Variants in GALNT16 observed in about 807,000 individuals in gnomAD.
The protein encoded by GALNT16 is polypeptide N-acetylgalactosaminyltransferase 16, also known as UDP-GalNAc:polypeptide N-acetylgalactosaminyltransferase-like protein 1.
Under a neutral mutation model 76.1 loss-of-function variants are expected in GALNT16, and 40 were observed. The ratio of observed to expected loss-of-function variants is 0.53; its 90% CI spans 0.41 to 0.68. The LOEUF (loss-of-function observed/expected upper bound fraction) is 0.68. GALNT16 is among the 30% of genes least tolerant of loss of function. The probability of loss-of-function intolerance (pLI) is 0.00; values close to 1 mark genes in which losing one functional copy is unlikely to be tolerated. For missense variants in GALNT16, 621 were observed against 731.9 expected, an observed-to-expected ratio of 0.85 and a Z score of 1.75; for synonymous variants, 276 against 285.2, an observed-to-expected ratio of 0.97 and a Z score of 0.32.
intron 1 of GALNT16, among the ~76,000 whole-genome samples, chr14:69,312,054 AATCTG>A (rs35779671): frequency 0.18 from 22,454 of 125,650 alleles, 2,501 homozygotes; most frequent in East Asian, 0.48. Context: ...AAAAAAAAAA[AATCTG>A]TCTATCTATC....
chr14:69,319,418 G>C (rs958133380), intron 1 of GALNT16, among the ~76,000 whole-genome samples: 1 of 152,240 alleles, frequency 6.6e-6, no homozygotes, highest in African/African-American at 2.4e-5. Context: ...CTAGGCCTGT[G>C]ATAGCATCCT....
At chr14:69,317,954 G>C (rs956658377) in intron 1 of GALNT16, among the ~76,000 whole-genome samples, 3 of 152,214 alleles carry the variant, frequency 2.0e-5, no homozygotes, top group African/African-American at 7.2e-5. Context: ...AGGCCAGAGA[G>C]AGCTGAGGAG....
intron 1 of GALNT16, among the ~76,000 whole-genome samples, chr14:69,317,219 C>T (rs144597520): frequency 2.6e-5 from 4 of 152,330 alleles, no homozygotes; most frequent in African/African-American, 4.8e-5. Flanking sequence ...TTTACTCCCT[C>T]GCCAATACAC....
At chr14:69,337,432 T>C (rs1175312541) in intron 9 of GALNT16, among the ~76,000 whole-genome samples, 1 of 152,244 alleles carries the variant, frequency 6.6e-6, no homozygotes, top group African/African-American at 2.4e-5. Flanking sequence ...TTGATAATAA[T>C]AACAATAGTT....
intron 9 of GALNT16, among the ~76,000 whole-genome samples, chr14:69,337,376 T>C (rs1195897171): frequency 1.3e-5 from 2 of 152,262 alleles, no homozygotes; most frequent in African/African-American, 4.8e-5. Flanking sequence ...TGGCATGTAG[T>C]AAGTACTCAG....
chr14:69,344,563 TG>T (rs1025575292), intron 12 of GALNT16, among the ~76,000 whole-genome samples: 4 of 152,168 alleles, frequency 2.6e-5, no homozygotes, highest in African/African-American at 9.7e-5. Flanking sequence ...TGGGGAAGGA[TG>T]GTGACGACTG....
chr14:69,320,961 G>T (rs2045172424), intron 2 of GALNT16, 93 bp downstream of exon 2: 1 of 1,249,580 alleles, frequency 8.0e-7, no homozygotes, highest in South Asian at 1.4e-5. Flanking sequence ...TAAGAAATGA[G>T]GATGATTTCC....
Position 69,264,819 on chromosome 14 carries a change from C to CTTTTTTTTTT in GALNT16, c.177+4354_177+4363dup, listed in dbSNP as rs60818532. On this transcript the variant is annotated intron_variant, in intron 1 of 14. Coordinates refer to ENST00000448469, the MANE Select transcript of GALNT16 (RefSeq NM_001168368.2). ...TTTATTTTCTCTTTTCTTTTTCTTT[C>CTTTTTTTTTT]TTTTTTTTTTTGGACACAGGGTCTC... 1.2e-4 allele frequency among the ~76,000 whole-genome samples: 12 copies of CTTTTTTTTTT among 96,570 alleles called. 1 individual carries two copies. The highest frequency in any genetic ancestry group is 3.6e-4 in the African/African-American group (7 of 19,468). 63.4% of individuals were successfully genotyped at this position (96,570 alleles called of 152,430 possible).
At chr14:69,378,627 T>G in the GALNT16 span, among the ~76,000 whole-genome samples, 1 of 152,196 alleles carries the variant, frequency 6.6e-6, no homozygotes, top group Non-Finnish European at 1.5e-5. Context: ...TTTTAATGAT[T>G]CCAAACACTG....
the GALNT16 span, among the ~76,000 whole-genome samples, chr14:69,376,351 C>A: frequency 3.3e-5 from 5 of 152,132 alleles, no homozygotes; most frequent in Admixed American, 6.5e-5. Context: ...ATTATGTTTC[C>A]TCACCCTGTA....
At chr14:69,375,913 A>ACAGGTG in the GALNT16 span, among the ~76,000 whole-genome samples, 1 of 151,990 alleles carries the variant, frequency 6.6e-6, no homozygotes, top group African/African-American at 2.4e-5. Flanking sequence ...TGCTGAGATT[A>ACAGGTG]TTGGCATTAG....
At chr14:69,380,443 A>C in the GALNT16 span, 1 of 672,890 alleles carries the variant, frequency 1.5e-6, no homozygotes, top group Non-Finnish European at 2.7e-6. Flanking sequence ...AACAAAGTGG[A>C]AACAGGATTA....
At chr14:69,337,095 C>T (rs901671360) in intron 9 of GALNT16, among the ~76,000 whole-genome samples, 11 of 152,114 alleles carry the variant, frequency 7.2e-5, no homozygotes, top group Non-Finnish European at 1.0e-4. Context: ...ATGGAGTTCC[C>T]GTCTTCTCAC....
At chr14:69,355,051 A>G (rs1230731444), downstream of GALNT16, 2 of 152,362 alleles carry the variant, frequency 1.3e-5, no homozygotes, top group East Asian at 3.9e-4. Flanking sequence ...ATGGAAACCA[A>G]TGGAAAACCC....
At chr14:69,375,557 A>T in the GALNT16 span, among the ~76,000 whole-genome samples, 11 of 152,192 alleles carry the variant, frequency 7.2e-5, no homozygotes, top group Non-Finnish European at 1.3e-4. Context: ...AACTCCTCCA[A>T]CCGCAGGTTT....
chr14:69,326,010 G>A lies in GALNT16; in HGVS notation c.551G>A (p.Arg184His), dbSNP rs138742665. The change falls in exon 5 of 15, where the codon CGC becomes CAC. Residue 184 changes from arginine to histidine, a missense_variant. Physicochemically the swap from Arg to His is conservative, Grantham distance 29 (BLOSUM62 0). Transcript: ENST00000448469. Reference sequence around the variant, plus strand: ...AGGATCCCCAAGGTCAAGTGCCTGCGCAATGATCGGCGGGAAGGTGAGTCC... The same window carrying A: ...AGGATCCCCAAGGTCAAGTGCCTGCACAATGATCGGCGGGAAGGTGAGTCC... The part of the protein sequence containing the change: ...LTRIPKVKCL[R>H]NDRREGLIRS... The A allele has an allele frequency of 1.4e-4, 231 of 1,613,858 alleles. No individual in the cohort carries two copies. Among genetic ancestry groups the A allele is most frequent in the East Asian group, 1.0e-3 (47 of 44,880 alleles).
intron 1 of GALNT16, among the ~76,000 whole-genome samples, chr14:69,308,835 A>T (rs1653110241): frequency 6.6e-6 from 1 of 152,252 alleles, no homozygotes; most frequent in Admixed American, 6.5e-5. Flanking sequence ...TGATGTTGAC[A>T]AATAGCCTTC....
intron 2 of GALNT16, among the ~76,000 whole-genome samples, chr14:69,324,349 C>T (rs1594851532): frequency 6.6e-6 from 1 of 152,128 alleles, no homozygotes; most frequent in East Asian, 1.9e-4. Context: ...CACCATACGA[C>T]AGAGTGTGGT....
At chr14:69,275,541 G>A (rs187321620) in intron 1 of GALNT16, among the ~76,000 whole-genome samples, 21 of 152,274 alleles carry the variant, frequency 1.4e-4, no homozygotes, top group Admixed American at 9.8e-4. Flanking sequence ...GTGCGCATGC[G>A]CACATATACA....
Sources: allele counts gnomAD v4.1 joint callset (sites outside exome capture counted in the v4.1 genomes callset), GRCh38; gene constraint gnomAD v4.1.1; transcripts MANE v1.5; gene names NCBI Gene and HGNC (gene_info 2026-07-23, HGNC 2026-07-21).